The following DIS3L2 variants were observed in gnomAD, a reference collection of about 807,000 sequenced individuals.
The protein encoded by DIS3L2 is DIS3 like 3'-5' exoribonuclease 2.
In DIS3L2, 34 loss-of-function variants were observed where a neutral mutation model predicts 97.5. The observed-to-expected ratio is 0.35, with a 90% CI of 0.27 to 0.46. The LOEUF (loss-of-function observed/expected upper bound fraction) is 0.46, where lower values mean the gene tolerates loss of function less well. Ranked by LOEUF, DIS3L2 falls within the 20% of genes least tolerant of loss-of-function variation. DIS3L2 has a pLI of 1.00. For synonymous variants in DIS3L2, 435 were observed against 445.2 expected (o/e 0.98, Z 0.29); for missense variants, 1,038 against 1,146.0 (o/e 0.91, Z 1.36).
chr2:232,086,667 G>GTT (rs1696657603), intron 5 of DIS3L2, among the ~76,000 whole-genome samples: 1 of 36,804 alleles, frequency 2.7e-5, no homozygotes, highest in African/African-American at 1.0e-4. Context: ...ATATGTGTGT[G>GTT]TGTGTGTGTG....
chr2:232,190,605 GAAGGAAGGAAGA>G (rs1209014492), intron 9 of DIS3L2, among the ~76,000 whole-genome samples: 1 of 151,946 alleles, frequency 6.6e-6, no homozygotes. Context: ...AGAGAGGAAG[GAAGGAAGGAAGA>G]AAGGAAGAAA....
chr2:232,002,691 A>G (rs1046812749), intron 1 of DIS3L2, among the ~76,000 whole-genome samples: 1 of 152,154 alleles, frequency 6.6e-6, no homozygotes, highest in African/African-American at 2.4e-5. Flanking sequence ...CAGAACATAT[A>G]AAAAGGCATA....
intron 14 of DIS3L2, 36 bp downstream of exon 14, chr2:232,300,155 T>C: frequency 6.2e-7 from 1 of 1,601,548 alleles, no homozygotes; most frequent in Non-Finnish European, 8.6e-7. Flanking sequence ...TCACTTCACA[T>C]GTGTGCAGCA....
chr2:231,989,468 A>C (rs1368736276), intron 1 of DIS3L2, among the ~76,000 whole-genome samples: 2 of 151,950 alleles, frequency 1.3e-5, no homozygotes, highest in African/African-American at 4.8e-5. Flanking sequence ...AGTTTCTTAC[A>C]TTTTTTCTAC....
chr2:232,120,734 G>A (rs1250391308), intron 6 of DIS3L2, among the ~76,000 whole-genome samples: 2 of 152,118 alleles, frequency 1.3e-5, no homozygotes, highest in African/African-American at 2.4e-5. Flanking sequence ...AACAAAAGCT[G>A]ACCCCTTTGT....
chr2:232,133,956 C>G (rs1454152755), intron 7 of DIS3L2, among the ~76,000 whole-genome samples: 2 of 113,960 alleles, frequency 1.8e-5, no homozygotes, highest in Non-Finnish European at 3.3e-5. Context: ...CCACCGTATT[C>G]TAGCCTGGGT....
At chr2:232,095,147 AC>A (rs1323291487) in intron 6 of DIS3L2, among the ~76,000 whole-genome samples, 1 of 152,152 alleles carries the variant, frequency 6.6e-6, no homozygotes, top group Non-Finnish European at 1.5e-5. Context: ...CAGTCCAGTT[AC>A]ATTCAGTGTT....
intron 1 of DIS3L2, among the ~76,000 whole-genome samples, chr2:231,975,203 G>A (rs1008546352): frequency 2.6e-5 from 4 of 152,148 alleles, no homozygotes; most frequent in African/African-American, 9.7e-5. Flanking sequence ...CTAAAAGAAT[G>A]TAGGAAACCT....
intron 6 of DIS3L2, among the ~76,000 whole-genome samples, chr2:232,118,083 A>T (rs911045127): frequency 3.3e-5 from 5 of 152,096 alleles, no homozygotes; most frequent in African/African-American, 1.2e-4. Flanking sequence ...GGGCTCTTGG[A>T]CTGATGACCT....
intron 14 of DIS3L2, among the ~76,000 whole-genome samples, chr2:232,304,658 C>G (rs1165235018): frequency 6.6e-6 from 1 of 152,210 alleles, no homozygotes; most frequent in Non-Finnish European, 1.5e-5. Context: ...GCAAGCTATT[C>G]TTCCTGCCGT....
intron 11 of DIS3L2, among the ~76,000 whole-genome samples, chr2:232,242,622 C>T (rs373488232): frequency 1.3e-5 from 2 of 152,186 alleles, no homozygotes; most frequent in African/African-American, 4.8e-5. Context: ...TGTTTCTGCT[C>T]TCTGAGGCTA....
chr2:232,105,079 A>G (rs1202145142), intron 6 of DIS3L2, among the ~76,000 whole-genome samples: 1 of 152,186 alleles, frequency 6.6e-6, no homozygotes, highest in African/African-American at 2.4e-5. Context: ...TGGCCCCCCA[A>G]AGTGCTGGGA....
At chr2:232,109,047 G>GA (rs1408401865) in intron 6 of DIS3L2, among the ~76,000 whole-genome samples, 1 of 152,176 alleles carries the variant, frequency 6.6e-6, no homozygotes, top group Non-Finnish European at 1.5e-5. Flanking sequence ...CACAGAATTA[G>GA]AAAAACTATT....
intron 13 of DIS3L2, among the ~76,000 whole-genome samples, chr2:232,274,070 G>T (rs980254326): frequency 5.3e-5 from 8 of 152,180 alleles, no homozygotes; most frequent in Non-Finnish European, 8.8e-5. Flanking sequence ...AGTTGAAAGT[G>T]TGCCCAGATG....
chr2:232,329,785 T>TGCCGGGGGGGGCCC, intron 14 of DIS3L2, 28 bp from the exon 15 acceptor site: 191 of 967,064 alleles, frequency 2.0e-4, no homozygotes, highest in Non-Finnish European at 2.5e-4. Context: ...ACCCCAGCGG[T>TGCCGGGGGGGGCCC]CCCTCCCATC....
At chr2:232,286,078 C>T (rs892366391) in intron 13 of DIS3L2, among the ~76,000 whole-genome samples, 5 of 152,212 alleles carry the variant, frequency 3.3e-5, no homozygotes, top group Non-Finnish European at 7.3e-5. Context: ...GTGGCCTCTT[C>T]CTTCCCCAGG....
intron 5 of DIS3L2, among the ~76,000 whole-genome samples, chr2:232,032,701 C>A (rs184841053): frequency 6.6e-6 from 1 of 152,208 alleles, no homozygotes; most frequent in East Asian, 1.9e-4. Context: ...TTTTAGTTTT[C>A]TACATATGGC....
intron 5 of DIS3L2, among the ~76,000 whole-genome samples, chr2:232,035,082 A>G (rs908342445): frequency 5.3e-5 from 8 of 151,988 alleles, no homozygotes; most frequent in African/African-American, 1.2e-4. Flanking sequence ...TGTCTTGTCT[A>G]TTATTGACAG....
intron 9 of DIS3L2, among the ~76,000 whole-genome samples, chr2:232,194,588 G>A (rs1309723419): frequency 2.0e-5 from 3 of 152,216 alleles, no homozygotes; most frequent in East Asian, 3.8e-4. Context: ...AGAGTATAAT[G>A]TAATTGTACG....
Sources: gnomAD v4.1 joint callset for allele counts (sites outside exome capture counted in the v4.1 genomes callset) on GRCh38, gnomAD v4.1.1 for gene constraint, MANE v1.5 for transcripts, NCBI Gene and HGNC (gene_info 2026-07-23, HGNC 2026-07-21) for gene names.